The following TRPM1 variants were observed in gnomAD, a reference collection of about 807,000 sequenced individuals.
The protein encoded by TRPM1 is TRPM1-203 APA Isoform, Intron 10.
In TRPM1, 113 loss-of-function variants were observed where a neutral mutation model predicts 149.4. The ratio of observed to expected loss-of-function variants is 0.76; its 90% CI spans 0.65 to 0.88. The LOEUF (loss-of-function observed/expected upper bound fraction) is 0.88, where lower values mean the gene tolerates loss of function less well. TRPM1 is among the 40% of genes least tolerant of loss of function. The pLI is 0.00. For missense variants in TRPM1, 1,976 were observed against 2,038.7 expected, an observed-to-expected ratio of 0.97 and a Z score of 0.59; for synonymous variants, 741 against 759.5, an observed-to-expected ratio of 0.98 and a Z score of 0.40.
At chr15:31,134,221 A>G (rs1031351217) in intron 1 of TRPM1, among the ~76,000 whole-genome samples, 5 of 152,206 alleles carry the variant, frequency 3.3e-5, no homozygotes, top group African/African-American at 1.2e-4. Context: ...GCTTCTAAGA[A>G]TCTTAATCAT....
chr15:31,038,465 A>G (rs2140925029), intron 18 of TRPM1, among the ~76,000 whole-genome samples: 1 of 152,362 alleles, frequency 6.6e-6, no homozygotes, highest in South Asian at 2.1e-4. Context: ...TAATCCCAGC[A>G]CTTTTGGGAG....
intron 1 of TRPM1, among the ~76,000 whole-genome samples, chr15:31,124,987 A>G (rs191536704): frequency 2.6e-5 from 4 of 152,068 alleles, no homozygotes; most frequent in Non-Finnish European, 5.9e-5. Context: ...CAGCCTGGCC[A>G]ACATGGTGAA....
intron 1 of TRPM1, among the ~76,000 whole-genome samples, chr15:31,154,996 T>A (rs185408259): frequency 2.0e-3 from 302 of 152,310 alleles, no homozygotes; most frequent in African/African-American, 6.7e-3. Flanking sequence ...TGAGTAATAA[T>A]CCGTGTGAAT....
intron 1 of TRPM1, among the ~76,000 whole-genome samples, chr15:31,159,267 G>A (rs1567085572): frequency 6.6e-6 from 1 of 152,144 alleles, no homozygotes; most frequent in South Asian, 2.1e-4. Flanking sequence ...CCTACCCATT[G>A]CAATTTCAAG....
chr15:31,144,712 ATT>A (rs34583108), intron 1 of TRPM1, among the ~76,000 whole-genome samples: 28 of 108,144 alleles, frequency 2.6e-4, no homozygotes, highest in East Asian at 2.4e-4. Context: ...TGTTTTTGAG[ATT>A]TTTTTTTTTT....
chr15:31,154,598 G>A (rs1029994225), intron 1 of TRPM1, among the ~76,000 whole-genome samples: 10 of 152,148 alleles, frequency 6.6e-5, no homozygotes, highest in African/African-American at 2.4e-4. Flanking sequence ...GACTATAACA[G>A]CCCTTTCCCA....
In TRPM1 at chr15:31,069,458, A is replaced by G. The variant is rs774154090; in HGVS notation, c.279+573T>C. ...AGTGAAATAAAATGAAATTGCAAAA[A>G]GTCTGTGACTGGGCATGTAGGAGTG... On this transcript the variant is annotated intron_variant, in intron 4 of 27. Coordinates refer to ENST00000256552, the MANE Select transcript of TRPM1 (RefSeq NM_001252024.2). 402 of 1,026,540 alleles carry G rather than the reference A, an allele frequency of 3.9e-4. 1 individual carries two copies. The highest frequency in any genetic ancestry group is 3.3e-3 in the Middle Eastern group (7 of 2,108). 63.6% of individuals were successfully genotyped at this position (1,026,540 alleles called of 1,614,324 possible).
chr15:31,053,830 C>A (rs1321447849), intron 11 of TRPM1, among the ~76,000 whole-genome samples: 1 of 152,196 alleles, frequency 6.6e-6, no homozygotes, highest in Admixed American at 6.5e-5. Flanking sequence ...ATGGGAGCAA[C>A]CCAAGTGTCC....
chr15:31,053,249 T>C (rs866133627), intron 11 of TRPM1, among the ~76,000 whole-genome samples: 6 of 151,358 alleles, frequency 4.0e-5, no homozygotes, highest in African/African-American at 7.3e-5. Flanking sequence ...GGCTATTATC[T>C]TTTTTTTTCC....
In TRPM1 at chr15:31,068,011, G is replaced by A. The variant is rs751787281; in HGVS notation, c.361C>T (p.Leu121Phe). 1 of 1,614,232 alleles carries A rather than the reference G, an allele frequency of 6.2e-7. No homozygotes were observed. The stretch of plus-strand genomic sequence containing the variant: ...AGGCCTCCATGCACAGATATTAAGA[G>A]CTTGGGGAGTTCCAGCTGCCAATCT... ...VKDWQLELPKLLISVHGGLQN... is the reference protein window; with the variant it reads ...VKDWQLELPKFLISVHGGLQN... The change falls in exon 5 of 28, where the codon CTC becomes TTC. Residue 121 changes from leucine (L) to phenylalanine (F), a missense_variant. Leu to Phe is a conservative substitution (Grantham distance 22, BLOSUM62 0). Coordinates refer to ENST00000256552, the MANE Select transcript of TRPM1 (RefSeq NM_001252024.2).
chr15:31,013,141 C>T (rs1327732732), intron 27 of TRPM1, among the ~76,000 whole-genome samples: 1 of 151,696 alleles, frequency 6.6e-6, no homozygotes, highest in Admixed American at 6.6e-5. Context: ...CATGCTCTGC[C>T]AGTTGCCATG....
chr15:31,028,320 T>A lies in TRPM1; in HGVS notation c.3293+12A>T. 6.2e-7 allele frequency: 1 copy of A among 1,614,150 alleles called. No homozygotes were observed. Among genetic ancestry groups the A allele is most frequent in the South Asian group, 1.1e-5 (1 of 91,080 alleles). ...AAATAATAAGCATGTGGTCATCGGC[T>A]GTGACACGTACTTGAACACAGCAAT... is the stretch of plus-strand genomic sequence containing the variant. On this transcript the variant is annotated intron_variant, in intron 25 of 27. Coordinates refer to ENST00000256552, the MANE Select transcript of TRPM1 (RefSeq NM_001252024.2).
At chr15:31,039,001 T>A (rs1186654288) in intron 18 of TRPM1, among the ~76,000 whole-genome samples, 1 of 151,304 alleles carries the variant, frequency 6.6e-6, no homozygotes, top group African/African-American at 2.4e-5. Flanking sequence ...CTTTTTTTTT[T>A]TTTTTTTTTG....
At chr15:31,029,664 G>A (rs563382422) in intron 23 of TRPM1, among the ~76,000 whole-genome samples, 11 of 152,274 alleles carry the variant, frequency 7.2e-5, no homozygotes, top group African/African-American at 2.6e-4. Flanking sequence ...GAGAGCAAAA[G>A]CTCACTAGTT....
intron 1 of TRPM1, among the ~76,000 whole-genome samples, chr15:31,096,946 A>G (rs2035398939): frequency 6.6e-6 from 1 of 152,166 alleles, no homozygotes; most frequent in Non-Finnish European, 1.5e-5. Flanking sequence ...AGTGAGGGGT[A>G]GGCGGGTGAA....
intron 1 of TRPM1, among the ~76,000 whole-genome samples, chr15:31,091,341 G>A (rs2035232331): frequency 6.6e-6 from 1 of 152,348 alleles, no homozygotes; most frequent in Non-Finnish European, 1.5e-5. Flanking sequence ...TGCCCACTCT[G>A]CCCTTTGTGG....
chr15:31,039,735 A>G (rs1386802232), intron 18 of TRPM1, among the ~76,000 whole-genome samples: 1 of 152,224 alleles, frequency 6.6e-6, no homozygotes, highest in Non-Finnish European at 1.5e-5. Flanking sequence ...GAATCTAGAA[A>G]CAGAGTTCCA....
At chr15:31,127,972 C>T (rs1429392370) in intron 1 of TRPM1, among the ~76,000 whole-genome samples, 2 of 152,190 alleles carry the variant, frequency 1.3e-5, no homozygotes, top group African/African-American at 4.8e-5. Flanking sequence ...TCCCTCGACT[C>T]AGAGAGGTGG....
intron 7 of TRPM1, among the ~76,000 whole-genome samples, chr15:31,065,645 C>T (rs772820550): frequency 1.3e-5 from 2 of 152,148 alleles, no homozygotes; most frequent in Non-Finnish European, 2.9e-5. Flanking sequence ...CCCACCTGGC[C>T]ATCTTAGTCT....
Sources: allele counts gnomAD v4.1 joint callset (sites outside exome capture counted in the v4.1 genomes callset), GRCh38; gene constraint gnomAD v4.1.1; transcripts MANE v1.5; gene names NCBI Gene and HGNC (gene_info 2026-07-23, HGNC 2026-07-21).